VOPP1: variants seen among roughly 807,000 people sequenced by gnomAD.
The protein encoded by VOPP1 is VOPP1 WW domain binding protein, also known as WW domain binding protein VOPP1.
In VOPP1, 8 loss-of-function variants were observed where a neutral mutation model predicts 23.5. The observed-to-expected ratio is 0.34, with a 90% CI of 0.20 to 0.61. The LOEUF (loss-of-function observed/expected upper bound fraction) is 0.61, where lower values mean the gene tolerates loss of function less well. Among genes scored for constraint, VOPP1 ranks in the 20% least tolerant of loss-of-function variants. VOPP1 has a pLI of 0.78. For synonymous variants in VOPP1, 83 were observed against 97.3 expected (o/e 0.85, Z 0.86); for missense variants, 174 against 238.1 (o/e 0.73, Z 1.77).
At chr7:55,503,118 G>A (rs933976232) in intron 2 of VOPP1, among the ~76,000 whole-genome samples, 7 of 152,226 alleles carry the variant, frequency 4.6e-5, no homozygotes, top group African/African-American at 1.7e-4. Flanking sequence ...TGAGGTCAGA[G>A]AATGGGTAGT....
chr7:55,503,508 T>C (rs1315787519), intron 2 of VOPP1, among the ~76,000 whole-genome samples: 1 of 152,200 alleles, frequency 6.6e-6, no homozygotes, highest in Non-Finnish European at 1.5e-5. Context: ...AATCTTTCTA[T>C]GTAAAAAAGA....
At chr7:55,535,964 C>T (rs546534098) in intron 1 of VOPP1, among the ~76,000 whole-genome samples, 1 of 152,298 alleles carries the variant, frequency 6.6e-6, no homozygotes, top group Non-Finnish European at 1.5e-5. Flanking sequence ...TACACCTGAC[C>T]CACACTCTGT....
chr7:55,557,037 G>C (rs1472567194), intron 1 of VOPP1, among the ~76,000 whole-genome samples: 1 of 152,146 alleles, frequency 6.6e-6, no homozygotes, highest in Non-Finnish European at 1.5e-5. Flanking sequence ...CCACATAAAT[G>C]AAGCCTTCAC....
chr7:55,473,146 C>T, intron 4 of VOPP1, 101 bp from the exon 5 acceptor site: 5 of 1,494,752 alleles, frequency 3.3e-6, no homozygotes, highest in Admixed American at 2.9e-5. Context: ...CCGTCATTCA[C>T]TCAGCGACAG....
intron 4 of VOPP1, among the ~76,000 whole-genome samples, chr7:55,476,053 G>A (rs1236059152): frequency 6.6e-6 from 1 of 152,184 alleles, no homozygotes; most frequent in Non-Finnish European, 1.5e-5. Context: ...TCAGGCAAGG[G>A]TGGGATGGGA....
intron 4 of VOPP1, among the ~76,000 whole-genome samples, chr7:55,439,274 C>A (rs1170885767): frequency 6.6e-6 from 1 of 151,982 alleles, no homozygotes; most frequent in Non-Finnish European, 1.5e-5. Flanking sequence ...GGTAGGGAGA[C>A]AAGAGTCTGT....
chr7:55,515,456 G>A (rs1002462410), intron 2 of VOPP1, among the ~76,000 whole-genome samples: 9 of 152,130 alleles, frequency 5.9e-5, no homozygotes, highest in East Asian at 3.9e-4. Flanking sequence ...CAGAACCCCC[G>A]GTCTTCTCCA....
intron 1 of VOPP1, chr7:55,526,850 A>T (rs565591528): frequency 6.6e-6 from 1 of 152,268 alleles, no homozygotes; most frequent in Non-Finnish European, 1.5e-5. Flanking sequence ...CCCAAAGAAG[A>T]TCAGCCCAAG....
rs926485541 is a variant in VOPP1 at position 55,552,756 on chromosome 7, C to T, written c.54+19515G>A. On this transcript the variant is annotated intron_variant, in intron 1 of 4. Coordinates refer to ENST00000285279, the MANE Select transcript of VOPP1 (RefSeq NM_030796.5). ...CCAGGTTGCCGGCACACGGAGTTCA[C>T]GCAGAGAGGCAGCAAGTGGAGCCTG... The T allele has an allele frequency of 7.2e-6, 11 of 1,531,880 alleles. No homozygotes were observed. In the Middle Eastern group the frequency reaches 6.1e-4, roughly 85 times the overall value. 94.9% of individuals were successfully genotyped at this position (1,531,880 alleles called of 1,614,324 possible).
chr7:55,547,988 G>C (rs758761792), intron 1 of VOPP1, among the ~76,000 whole-genome samples: 24 of 152,066 alleles, frequency 1.6e-4, no homozygotes, highest in Non-Finnish European at 3.4e-4. Context: ...CCCTCCAAGG[G>C]CTTTCTAAAA....
chr7:55,511,801 C>G (rs1324260091), intron 2 of VOPP1, among the ~76,000 whole-genome samples: 1 of 152,164 alleles, frequency 6.6e-6, no homozygotes, highest in Non-Finnish European at 1.5e-5. Context: ...CTCATGTCTG[C>G]CTAAAATATA....
At chr7:55,465,372 C>T (rs919257125) in intron 4 of VOPP1, among the ~76,000 whole-genome samples, 3 of 152,112 alleles carry the variant, frequency 2.0e-5, no homozygotes, top group Non-Finnish European at 4.4e-5. Flanking sequence ...ATCAACCTTT[C>T]AAGACAAGAA....
intron 1 of VOPP1, among the ~76,000 whole-genome samples, chr7:55,534,014 TG>T: frequency 6.6e-6 from 1 of 152,160 alleles, no homozygotes; most frequent in Non-Finnish European, 1.5e-5. Context: ...ACAACTCATT[TG>T]TGCAAGGTCA....
intron 1 of VOPP1, among the ~76,000 whole-genome samples, chr7:55,566,814 G>A (rs1470009980): frequency 6.6e-6 from 1 of 152,152 alleles, no homozygotes; most frequent in African/African-American, 2.4e-5. Context: ...CTGCAGCTAT[G>A]AGGATGGTGA....
At chr7:55,512,660 A>G (rs940962388) in intron 2 of VOPP1, among the ~76,000 whole-genome samples, 5 of 152,204 alleles carry the variant, frequency 3.3e-5, no homozygotes, top group Admixed American at 6.5e-5. Context: ...ACGGCAAAAT[A>G]GTGAGGGTCT....
chr7:55,438,563 G>A (rs1180495078), intron 4 of VOPP1, among the ~76,000 whole-genome samples: 2 of 152,184 alleles, frequency 1.3e-5, no homozygotes, highest in Non-Finnish European at 2.9e-5. Context: ...GCTGGCAGGT[G>A]AATAAGTGTG....
intron 1 of VOPP1, among the ~76,000 whole-genome samples, chr7:55,557,843 C>G (rs965924713): frequency 6.6e-6 from 1 of 152,128 alleles, no homozygotes; most frequent in Non-Finnish European, 1.5e-5. Context: ...AGCCTCTGAA[C>G]AACTCAGGCC....
intron 4 of VOPP1, among the ~76,000 whole-genome samples, chr7:55,457,331 T>A (rs545139445): frequency 2.8e-4 from 42 of 152,380 alleles, no homozygotes; most frequent in Admixed American, 5.2e-4. Context: ...TATTCCATTG[T>A]GTAAGTATGT....
At chr7:55,442,206 A>G (rs1331940802) in intron 4 of VOPP1, among the ~76,000 whole-genome samples, 3 of 152,200 alleles carry the variant, frequency 2.0e-5, no homozygotes, top group Admixed American at 2.0e-4. Context: ...CCAGGGTCAC[A>G]CAGCTAGAGA....
Sources: gnomAD v4.1 joint callset for allele counts (sites outside exome capture counted in the v4.1 genomes callset) on GRCh38, gnomAD v4.1.1 for gene constraint, MANE v1.5 for transcripts, NCBI Gene and HGNC (gene_info 2026-07-23, HGNC 2026-07-21) for gene names.